FBRS: variants seen among roughly 807,000 people sequenced by gnomAD.
FBRS encodes the protein fibrosin.
In FBRS, 15 loss-of-function variants were observed where a neutral mutation model predicts 86.1. The observed-to-expected ratio is 0.17, with a 90% confidence interval of 0.12 to 0.27. The LOEUF is 0.27. Ranked by LOEUF, FBRS falls within the 10% of genes least tolerant of loss-of-function variation. The pLI, the probability that FBRS is intolerant of heterozygous loss-of-function variation, is 1.00. For missense variants in FBRS, 1,367 were observed against 1,301.6 expected, an observed-to-expected ratio of 1.05 and a Z score of -0.77; for synonymous variants, 666 against 575.8, an observed-to-expected ratio of 1.16 and a Z score of -2.24.
intron 4 of FBRS, 27 bp downstream of exon 4, chr16:30,661,360 C>T (rs1459670964): frequency 1.3e-6 from 2 of 1,550,660 alleles, no homozygotes; most frequent in Middle Eastern, 1.7e-4. Flanking sequence ...CTTGGGTGGG[C>T]AGTGTCACTG....
At position 30,658,541 on chromosome 16, in the gene FBRS, C is replaced by G. The variant is rs1008075058; in HGVS notation, c.-978C>G. ...GAGACAACAGGAGTTTGTGCTGGAG[C>G]TCCCCCGCTGCCCATCGGCCGTTCC... On this transcript the variant is annotated 5_prime_UTR_variant, in exon 1 of 18. Coordinates refer to ENST00000356166, the MANE Select transcript of FBRS (RefSeq NM_001105079.3). The G allele has an allele frequency of 6.6e-6, 1 of 152,510 alleles. No homozygotes were observed. Among genetic ancestry groups the G allele is most frequent in the African/African-American group, 2.4e-5 (1 of 41,470 alleles). 9.4% of individuals were successfully genotyped at this position (152,510 alleles called of 1,614,324 possible).
Position 30,664,361 on chromosome 16 carries a change from C to T in FBRS, c.1202C>T (p.Pro401Leu), listed in dbSNP as rs1199993945. 2.0e-6 allele frequency: 3 copies of T among 1,536,780 alleles called. No individual in the cohort carries two copies. The highest frequency in any genetic ancestry group is 1.4e-5 in the African/African-American group (1 of 72,588). The change falls in exon 7 of 18, where the codon CCT becomes CTT. Residue 401 changes from proline (P) to leucine (L), a missense_variant. Transcript: ENST00000356166. ...CCCCCGACGCCCTCACTGCCCCTGC[C>T]TTTGTCCACCCACAGCTTTCCCCCT... Reference protein sequence around the residue: ...HRPPTPSLPLPLSTHSFPPPG... With the variant: ...HRPPTPSLPLLLSTHSFPPPG...
rs554603866 is a variant in FBRS at position 30,660,177 on chromosome 16, G to T, written c.460-86G>T. 6.1e-5 allele frequency: 86 copies of T among 1,412,550 alleles called. No individual in the cohort carries two copies. The East Asian group carries it at 2.2e-3, about 37-fold the overall frequency. 87.5% of individuals were successfully genotyped at this position (1,412,550 alleles called of 1,614,324 possible). ...CTGGGGACCCGGTTTCCCGGCCCGA[G>T]GGGTACTTCGGCAACCTGGTCACCC... On this transcript the variant is annotated intron_variant, in intron 1 of 17. Transcript: ENST00000356166.
chr16:30,666,661 G>A, intron 12 of FBRS, 120 bp downstream of exon 12: 1 of 1,508,312 alleles, frequency 6.6e-7, no homozygotes, highest in Non-Finnish European at 9.2e-7. Flanking sequence ...AGCCAGATGT[G>A]GAACAGCAGA....
In FBRS at chr16:30,664,247, CTCCCGTGGCTCAGCCT is replaced by C; in HGVS notation, c.1089_1104del (p.Val365ProfsTer87). 1 of 1,474,022 alleles carries C rather than the reference CTCCCGTGGCTCAGCCT, an allele frequency of 6.8e-7. No homozygotes were observed. The highest frequency in any genetic ancestry group is 1.3e-5 in the South Asian group (1 of 74,106). 91.3% of individuals were successfully genotyped at this position (1,474,022 alleles called of 1,614,324 possible). A position where few individuals can be genotyped will look rare whatever the true frequency, so the allele number is the denominator to read the frequency against. On this transcript the variant is annotated frameshift_variant, in exon 7 of 18. Coordinates refer to ENST00000356166, the MANE Select transcript of FBRS (RefSeq NM_001105079.3). LOFTEE classifies it high-confidence loss of function. ...CGGCCGCCCCCCAAGGCCCCGGCCC[CTCCCGTGGCTCAGCCT>C]CCCCCCTCATCATCCTCTTCGTCCT...
chr16:30,662,187 T>G lies in FBRS; in HGVS notation c.706-233T>G, dbSNP rs1038998158. 1.0e-5 allele frequency: 6 copies of G among 600,208 alleles called. 1 individual carries two copies. The Admixed American group carries it at 2.0e-4, about 20-fold the overall frequency. 37.2% of individuals were successfully genotyped at this position (600,208 alleles called of 1,614,324 possible). A position where few individuals can be genotyped will look rare whatever the true frequency, so the allele number is the denominator to read the frequency against. The stretch of plus-strand genomic sequence containing the variant: ...GCCTGCTTCTCTGCTGCTTCAACGC[T>G]GCCTCCATTTAGTCCTCTTGGCCTA... On this transcript the variant is annotated intron_variant, in intron 4 of 17. Coordinates refer to ENST00000356166, the MANE Select transcript of FBRS (RefSeq NM_001105079.3).
chr16:30,664,076 G>C, intron 6 of FBRS, 139 bp from the exon 7 acceptor site: 8 of 1,064,504 alleles, frequency 7.5e-6, no homozygotes, highest in Non-Finnish European at 9.9e-6. Flanking sequence ...TTCCCTCGGT[G>C]GGGGGCGGTC....
chr16:30,663,466 A>G (rs2052484417), intron 6 of FBRS, among the ~76,000 whole-genome samples: 1 of 151,958 alleles, frequency 6.6e-6, no homozygotes, highest in Admixed American at 6.6e-5. Flanking sequence ...GCTGAGTGTC[A>G]TGCCTCAGCC....
At position 30,664,527 on chromosome 16, in the gene FBRS, G is replaced by A. The variant is rs1465732578; in HGVS notation, c.1357+11G>A. On this transcript the variant is annotated intron_variant, in intron 7 of 17. Transcript: ENST00000356166. Reference sequence around the variant, plus strand: ...CTAACGCCCTTTCTGGTGAGTTTGGGGTCCTGGCCGGGGGGTGGGGGGCCA... The same window carrying A: ...CTAACGCCCTTTCTGGTGAGTTTGGAGTCCTGGCCGGGGGGTGGGGGGCCA... 8 of 1,423,970 alleles carry A rather than the reference G, an allele frequency of 5.6e-6. No individual in the cohort carries two copies. The highest frequency in any genetic ancestry group is 7.3e-6 in the Non-Finnish European group (8 of 1,092,178). The allele number at this position is 1,423,970 out of a possible 1,614,324, so 88.2% of individuals were successfully genotyped here.
rs1189402302 is a variant in FBRS, at chr16:30,669,292, C to G, written c.2590C>G (p.Pro864Ala). 6.3e-7 allele frequency: 1 copy of G among 1,585,866 alleles called. No individual in the cohort carries two copies. Among genetic ancestry groups the G allele is most frequent in the Non-Finnish European group, 8.6e-7 (1 of 1,166,914 alleles). ...TCACCTGCTGTTTGAGAGGCCCCGG[C>G]CGCCCCCGTTTCTGGGCCCTAGCCC... is the stretch of plus-strand genomic sequence containing the variant. ...GLHLLFERPR[P>A]PPFLGPSPPD... Residue 864 changes from proline to alanine, a missense_variant, in exon 18 of 18, where the codon CCG becomes GCG. Pro to Ala is a conservative substitution (Grantham distance 27, BLOSUM62 -1). Around this residue, in one of 3 missense-constraint regions of FBRS, gnomAD observed 659 missense variants for 678.8 expected, o/e 0.97. Coordinates refer to ENST00000356166, the MANE Select transcript of FBRS (RefSeq NM_001105079.3). This position sits in a 1 kb window ranked among gnomAD's most constrained non-coding sequence, Gnocchi z 5.9.
intron 1 of FBRS, 108 bp downstream of exon 1, chr16:30,660,085 C>T (rs2052438499): frequency 4.8e-6 from 7 of 1,454,506 alleles, no homozygotes; most frequent in African/African-American, 1.5e-5. Flanking sequence ...CACCCCAAAC[C>T]AGAGCAACCG....
chr16:30,666,527 C>A lies in FBRS; in HGVS notation c.1789C>A (p.Arg597=). 1.2e-6 allele frequency: 2 copies of A among 1,613,986 alleles called. No homozygotes were observed. The highest frequency in any genetic ancestry group is 1.6e-4 in the Middle Eastern group (1 of 6,062). The change falls in exon 12 of 18, where the codon CGG becomes AGG. Residue 597 remains arginine (R), a synonymous_variant. Coordinates refer to ENST00000356166, the MANE Select transcript of FBRS (RefSeq NM_001105079.3). ...CCATCCCCAGATCCCCGACCATTTC[C>A]GGCCACCTTTGAGGGTGAGTTGTGT... The part of the protein sequence containing the change: ...QKGTQIPDHF[R]PPLRKPGKWC...
In FBRS at chr16:30,669,070, G is replaced by T; in HGVS notation, c.2368G>T (p.Asp790Tyr). ...PSITKEEKDRDLPFSRPQLRV... is the reference protein window; with the variant it reads ...PSITKEEKDRYLPFSRPQLRV... ...TCTCTCCCCACGCCTGCCCTCCAGG[G>T]ACCTCCCCTTCTCACGGCCCCAGCT... Residue 790 changes from aspartate to tyrosine, a missense_variant and splice_region_variant, in exon 18 of 18, where the codon GAC becomes TAC. Coordinates refer to ENST00000356166, the MANE Select transcript of FBRS (RefSeq NM_001105079.3). This position sits in a 1 kb window ranked among gnomAD's most constrained non-coding sequence, Gnocchi z 5.9. 1.3e-6 allele frequency: 2 copies of T among 1,599,246 alleles called. No homozygotes were observed. Among genetic ancestry groups the T allele is most frequent in the East Asian group, 2.3e-5 (1 of 44,140 alleles).
In FBRS at chr16:30,669,929, C is replaced by A; in HGVS notation, c.*284C>A. Reference sequence around the variant, plus strand: ...GGGCCATGGGGCCTCCTGAGGTACACCTTTGCCCCTGTAAGGGCCTCTAGG... The same window carrying A: ...GGGCCATGGGGCCTCCTGAGGTACAACTTTGCCCCTGTAAGGGCCTCTAGG... On this transcript the variant is annotated 3_prime_UTR_variant, in exon 18 of 18. Transcript: ENST00000356166. This position sits in a 1 kb window ranked among gnomAD's most constrained non-coding sequence, Gnocchi z 5.9. 2 of 569,916 alleles carry A rather than the reference C, an allele frequency of 3.5e-6. No homozygotes were observed. Among genetic ancestry groups the A allele is most frequent in the Non-Finnish European group, 3.1e-6 (1 of 320,064 alleles). 35.3% of individuals were successfully genotyped at this position (569,916 alleles called of 1,614,324 possible). A position where few individuals can be genotyped will look rare whatever the true frequency, so the allele number is the denominator to read the frequency against.
At position 30,658,968 on chromosome 16, in the gene FBRS, G is replaced by A. The variant is rs530333113; in HGVS notation, c.-551G>A. On this transcript the variant is annotated 5_prime_UTR_variant, in exon 1 of 18. Transcript: ENST00000356166. Reference sequence around the variant, plus strand: ...ACTTAAAGGGGAAGTGGCCGCTTGTGGAGGACTAGAAACTAACTCCGAGCC... The same window carrying A: ...ACTTAAAGGGGAAGTGGCCGCTTGTAGAGGACTAGAAACTAACTCCGAGCC... 1 of 152,330 alleles carries A rather than the reference G, an allele frequency of 6.6e-6. No individual in the cohort carries two copies. Among genetic ancestry groups the A allele is most frequent in the South Asian group, 2.1e-4 (1 of 4,828 alleles). The allele number at this position is 152,330 out of a possible 1,614,324, so 9.4% of individuals were successfully genotyped here.
At chr16:30,660,114 C>T (rs2151265339) in intron 1 of FBRS, 137 bp downstream of exon 1, 2 of 1,432,644 alleles carry the variant, frequency 1.4e-6, no homozygotes, top group South Asian at 1.5e-5. Flanking sequence ...GGCCAGGCCT[C>T]TGCCCCGCCC....
chr16:30,666,624 T>A, intron 12 of FBRS, 83 bp downstream of exon 12: 2 of 1,599,648 alleles, frequency 1.3e-6, no homozygotes, highest in Non-Finnish European at 1.7e-6. Context: ...TGCTTACAAA[T>A]AAGTGAGAAG....
At chr16:30,660,179 G>C in intron 1 of FBRS, 84 bp from the exon 2 acceptor site, 1 of 1,411,966 alleles carries the variant, frequency 7.1e-7, no homozygotes, top group Non-Finnish European at 9.3e-7. Flanking sequence ...CGGCCCGAGG[G>C]GTACTTCGGC....
Position 30,665,083 on chromosome 16 carries a change from A to AGT in FBRS, c.1608+14_1608+15dup, listed in dbSNP as rs762606423. The AGT allele has an allele frequency of 1.2e-6, 2 of 1,612,416 alleles. No individual in the cohort carries two copies. ...GGAAGGCCTTTTCCGACATAATGTG[A>AGT]GTGTGTGTGTGCGTGTGCGTATGGG... is the stretch of plus-strand genomic sequence containing the variant. On this transcript the variant is annotated splice_donor_region_variant and intron_variant, in intron 9 of 17. Coordinates refer to ENST00000356166, the MANE Select transcript of FBRS (RefSeq NM_001105079.3). The surrounding 1 kb of genome is among the most constrained non-coding windows in gnomAD (Gnocchi z 4.1).
Sources: gnomAD v4.1 joint callset for allele counts (sites outside exome capture counted in the v4.1 genomes callset) on GRCh38, gnomAD v4.1.1 for gene constraint, gnomAD v4.1.1 regional missense constraint, Gnocchi (gnomAD v3.1) non-coding constraint, MANE v1.5 for transcripts, NCBI Gene and HGNC (gene_info 2026-07-23, HGNC 2026-07-21) for gene names.